The following ASH1L variants were observed in gnomAD, a reference collection of about 807,000 sequenced individuals.
The protein encoded by ASH1L is histone-lysine N-methyltransferase ASH1L.
A neutral mutation model predicts 269.0 loss-of-function variants in ASH1L; 23 were observed. That is an observed-to-expected ratio of 0.09 (90% CI 0.06 to 0.12). The LOEUF is 0.12. ASH1L is among the 10% of genes least tolerant of loss of function. The pLI is 1.00. For missense variants in ASH1L, 2,912 were observed against 3,567.8 expected, an observed-to-expected ratio of 0.82 and a Z score of 4.68; for synonymous variants, 1,187 against 1,253.5, an observed-to-expected ratio of 0.95 and a Z score of 1.12.
At chr1:155,486,764 C>T (rs1321067724) in intron 2 of ASH1L, among the ~76,000 whole-genome samples, 1 of 151,410 alleles carries the variant, frequency 6.6e-6, no homozygotes, top group Non-Finnish European at 1.5e-5. Context: ...TATTTTTAAA[C>T]ATATTTATGC....
chr1:155,411,128 T>C (rs1659724784), intron 6 of ASH1L, among the ~76,000 whole-genome samples: 1 of 152,148 alleles, frequency 6.6e-6, no homozygotes. Context: ...AGGGTGTATA[T>C]GAAAACTCTG....
At chr1:155,363,550 A>G (rs2148394153) in intron 12 of ASH1L, among the ~76,000 whole-genome samples, 1 of 152,268 alleles carries the variant, frequency 6.6e-6, no homozygotes, top group Middle Eastern at 3.4e-3. Flanking sequence ...GGCTGCAGAA[A>G]GCATTTTAAA....
intron 3 of ASH1L, among the ~76,000 whole-genome samples, chr1:155,465,289 C>CAAAAAAAAA (rs1171228344): frequency 1.9e-4 from 12 of 62,554 alleles, no homozygotes; most frequent in Admixed American, 3.7e-4. Context: ...TACAAATTAG[C>CAAAAAAAAA]AAAAAAAAAA....
intron 13 of ASH1L, among the ~76,000 whole-genome samples, chr1:155,359,906 CAG>C (rs965688948): frequency 3.4e-5 from 5 of 148,844 alleles, no homozygotes; most frequent in African/African-American, 1.2e-4. Flanking sequence ...TTTTTTGAGA[CAG>C]AGTCAGTCTT....
chr1:155,407,844 G>A (rs1345216307), intron 6 of ASH1L, among the ~76,000 whole-genome samples: 3 of 151,388 alleles, frequency 2.0e-5, no homozygotes, highest in Non-Finnish European at 4.4e-5. Context: ...TAAATATCCA[G>A]GACTGGTTAA....
At chr1:155,537,669 T>G (rs1256514934) in intron 1 of ASH1L, among the ~76,000 whole-genome samples, 1 of 151,930 alleles carries the variant, frequency 6.6e-6, no homozygotes, top group African/African-American at 2.4e-5. Flanking sequence ...ACTATAAAAT[T>G]CCTAAAAGAA....
intron 1 of ASH1L, among the ~76,000 whole-genome samples, chr1:155,547,681 A>T (rs376489357): frequency 6.6e-6 from 1 of 151,818 alleles, no homozygotes; most frequent in East Asian, 1.9e-4. Context: ...TGAGATCATG[A>T]TGTTGCACTC....
intron 7 of ASH1L, among the ~76,000 whole-genome samples, chr1:155,383,009 C>T (rs540283209): frequency 5.3e-5 from 8 of 152,180 alleles, no homozygotes; most frequent in African/African-American, 1.9e-4. Flanking sequence ...AGGCGTAAGC[C>T]GCCATGCCTG....
At position 155,349,336 on chromosome 1, in the gene ASH1L, C is replaced by T; in HGVS notation, c.7545G>A (p.Arg2515=). The T allele has an allele frequency of 1.2e-6, 2 of 1,611,994 alleles. No homozygotes were observed. Among genetic ancestry groups the T allele is most frequent in the South Asian group, 2.2e-5 (2 of 90,892 alleles). The stretch of plus-strand genomic sequence containing the variant: ...AGTCAGTGAAAAATACCTCAGCATT[C>T]CGAAAGACTTTGAGCATGTCAGCAT... The part of the protein sequence containing the change: ...AFDADMLKVF[R]NAEKYYGRKS... Residue 2515 remains arginine, a synonymous_variant, in exon 19 of 28, where the codon CGG becomes CGA. Transcript: ENST00000392403.
chr1:155,428,940 C>CTG (rs992695530), intron 5 of ASH1L, among the ~76,000 whole-genome samples: 2 of 152,128 alleles, frequency 1.3e-5, no homozygotes, highest in African/African-American at 4.8e-5. Flanking sequence ...CTCTATATTT[C>CTG]TGTGTGTGTG....
At chr1:155,550,161 C>T (rs1381262116) in intron 1 of ASH1L, among the ~76,000 whole-genome samples, 1 of 152,116 alleles carries the variant, frequency 6.6e-6, no homozygotes, top group Non-Finnish European at 1.5e-5. Flanking sequence ...GCTGCGATTA[C>T]AGGTGTGCAC....
chr1:155,351,117 C>T (rs945378362), intron 17 of ASH1L, among the ~76,000 whole-genome samples: 3 of 151,358 alleles, frequency 2.0e-5, no homozygotes, highest in South Asian at 2.1e-4. Context: ...TGGTGGCACA[C>T]GCCTGCAATC....
At chr1:155,340,861 C>A (rs1241252681) in intron 25 of ASH1L, among the ~76,000 whole-genome samples, 1 of 151,124 alleles carries the variant, frequency 6.6e-6, no homozygotes, top group Non-Finnish European at 1.5e-5. Context: ...CCTCAAACTC[C>A]TGGGCTCAAG....
At chr1:155,544,775 A>C (rs1015583722) in intron 1 of ASH1L, among the ~76,000 whole-genome samples, 2 of 152,212 alleles carry the variant, frequency 1.3e-5, no homozygotes, top group African/African-American at 2.4e-5. Context: ...ATTATCTTAA[A>C]TAAGATATAC....
intron 2 of ASH1L, among the ~76,000 whole-genome samples, chr1:155,520,856 T>TGTTGCAA (rs1307299415): frequency 5.3e-5 from 8 of 152,040 alleles, no homozygotes; most frequent in Non-Finnish European, 1.0e-4. Context: ...GAGCAAAACT[T>TGTTGCAA]AATCTCAAAA....
chr1:155,458,273 C>G (rs1311563992), intron 4 of ASH1L, among the ~76,000 whole-genome samples: 2 of 152,180 alleles, frequency 1.3e-5, no homozygotes, highest in African/African-American at 2.4e-5. Context: ...CATATTGATA[C>G]AATTTGAAAG....
In ASH1L at chr1:155,481,685, T is replaced by C; in HGVS notation, c.1185A>G (p.Ser395=). 2 of 1,614,182 alleles carry C rather than the reference T, an allele frequency of 1.2e-6. No individual in the cohort carries two copies. Among genetic ancestry groups the C allele is most frequent in the Non-Finnish European group, 8.5e-7 (1 of 1,180,032 alleles). The part of the protein sequence containing the change: ...KDCAKKIVAS[S]AMGLVNKDIG... ...TGTCCTTATTAACCAATCCCATTGCTGAACTTGCTACAATCTTCTTTGCAC... is the reference window on the plus strand; with the variant it reads ...TGTCCTTATTAACCAATCCCATTGCCGAACTTGCTACAATCTTCTTTGCAC... Residue 395 remains serine, a synonymous_variant, in exon 3 of 28, where the codon TCA becomes TCG. Transcript: ENST00000392403.
Position 155,349,385 on chromosome 1 carries a change from T to A in ASH1L, c.7496A>T (p.Tyr2499Phe), listed in dbSNP as rs747704331. ...ATCAAAAGCTTCCACTGTCTTATAG[T>A]AACCAGTGAGGATCTGCTTCTCTAT... is the stretch of plus-strand genomic sequence containing the variant. ...ITIEKQILTG[Y>F]YKTVEAFDAD... The change falls in exon 19 of 28, where the codon TAC becomes TTC. Residue 2499 changes from tyrosine to phenylalanine, a missense_variant. By Grantham distance (22) the Tyr-to-Phe change is conservative (BLOSUM62 3). Transcript: ENST00000392403. The A allele has an allele frequency of 1.2e-6, 2 of 1,613,898 alleles. No homozygotes were observed. The highest frequency in any genetic ancestry group is 2.7e-5 in the African/African-American group (2 of 74,930).
At chr1:155,562,816 CT>C, upstream of ASH1L, 1 of 585,354 alleles carries the variant, frequency 1.7e-6, no homozygotes, top group Admixed American at 2.2e-5. Context: ...CCTCCTCCTC[CT>C]CCACCTCCTC....
Sources: allele counts gnomAD v4.1 joint callset (sites outside exome capture counted in the v4.1 genomes callset), GRCh38; gene constraint gnomAD v4.1.1; transcripts MANE v1.5; gene names NCBI Gene and HGNC (gene_info 2026-07-23, HGNC 2026-07-21).